Variants in DLGAP2 observed in about 807,000 individuals in gnomAD.
DLGAP2 encodes the protein disks large-associated protein 2.
DLGAP2 carries 26 observed loss-of-function variants against 100.3 expected under a neutral mutation model. The ratio of observed to expected loss-of-function variants is 0.26; its 90% confidence interval spans 0.19 to 0.36. The LOEUF (loss-of-function observed/expected upper bound fraction) is 0.36. Among genes scored for constraint, DLGAP2 ranks in the 10% least tolerant of loss-of-function variants. The probability of loss-of-function intolerance (pLI) is 1.00; values close to 1 mark genes in which losing one functional copy is unlikely to be tolerated. For missense variants in DLGAP2, 1,858 were observed against 1,453.2 expected, an observed-to-expected ratio of 1.28 and a Z score of -4.53; for synonymous variants, 886 against 630.1, an observed-to-expected ratio of 1.41 and a Z score of -6.08.
At chr8:1,433,898 C>T (rs1797536849) in intron 3 of DLGAP2, among the ~76,000 whole-genome samples, 1 of 152,120 alleles carries the variant, frequency 6.6e-6, no homozygotes, top group Non-Finnish European at 1.5e-5. Context: ...TGTCCATGGT[C>T]CCTGGGGTCC....
chr8:758,925 A>T (rs1029047329), intron 1 of DLGAP2, among the ~76,000 whole-genome samples: 1 of 150,810 alleles, frequency 6.6e-6, no homozygotes, highest in Non-Finnish European at 1.5e-5. Flanking sequence ...GAGAGTTCCT[A>T]TCTAACCACT....
intron 2 of DLGAP2, among the ~76,000 whole-genome samples, chr8:1,003,513 C>T (rs903127619): frequency 6.6e-6 from 1 of 152,346 alleles, no homozygotes; most frequent in African/African-American, 2.4e-5. Context: ...TTTTGGTTAT[C>T]TATTGCTGAA....
intron 2 of DLGAP2, among the ~76,000 whole-genome samples, chr8:1,193,494 G>A (rs1823668): frequency 0.28 from 42,440 of 152,070 alleles, 6,699 homozygotes; most frequent in African/African-American, 0.43. Context: ...TCTGGTTTCT[G>A]TCACTTAGCA....
At position 1,050,078 on chromosome 8, in the gene DLGAP2, AC is replaced by A. The variant is rs371157463; in HGVS notation, c.73+142113del. 2.8e-3 allele frequency among the ~76,000 whole-genome samples: 420 copies of A among 152,366 alleles called. 2 individuals are homozygous for A. The highest frequency in any genetic ancestry group is 9.6e-3 in the African/African-American group (399 of 41,590). ...CATGTACATACGTGTACACACATGC[AC>A]AGGCAGTCACACACATACATATGTG... On this transcript the variant is annotated intron_variant, in intron 2 of 14. Transcript: ENST00000637795.
intron 12 of DLGAP2, among the ~76,000 whole-genome samples, chr8:1,686,335 G>T (rs541711951): frequency 6.6e-6 from 1 of 152,220 alleles, no homozygotes. Context: ...AGTGAGATAA[G>T]CCAGGCACAG....
chr8:1,496,498 G>A (rs925604349), intron 3 of DLGAP2, among the ~76,000 whole-genome samples: 8 of 152,120 alleles, frequency 5.3e-5, no homozygotes, highest in African/African-American at 1.7e-4. Context: ...TTCTCAAGGC[G>A]CACTGCCCGA....
chr8:1,188,787 A>T (rs1797571435), intron 2 of DLGAP2, among the ~76,000 whole-genome samples: 1 of 152,188 alleles, frequency 6.6e-6, no homozygotes, highest in Non-Finnish European at 1.5e-5. Context: ...GCTGAACAAA[A>T]GCTTTGGGGT....
chr8:1,076,157 C>T (rs1803601577), intron 2 of DLGAP2, among the ~76,000 whole-genome samples: 1 of 152,210 alleles, frequency 6.6e-6, no homozygotes, highest in African/African-American at 2.4e-5. Flanking sequence ...CCAGGCAGCA[C>T]AAGCTTGCCT....
At chr8:1,422,498 T>C (rs528910035) in intron 3 of DLGAP2, among the ~76,000 whole-genome samples, 1 of 150,878 alleles carries the variant, frequency 6.6e-6, no homozygotes, top group African/African-American at 2.4e-5. Context: ...AGAGACTTAA[T>C]GTAAATCTGC....
chr8:1,295,310 C>A (rs1485381399), intron 3 of DLGAP2, among the ~76,000 whole-genome samples: 1 of 152,190 alleles, frequency 6.6e-6, no homozygotes, highest in Admixed American at 6.5e-5. Context: ...TTGAAGATGA[C>A]AGAGCCTTAA....
At chr8:1,139,782 C>G (rs978469230) in intron 2 of DLGAP2, among the ~76,000 whole-genome samples, 1 of 152,108 alleles carries the variant, frequency 6.6e-6, no homozygotes, top group Non-Finnish European at 1.5e-5. Flanking sequence ...TGGGGTCTGA[C>G]AGGTCCCAGG....
At chr8:821,357 G>C (rs1448934455) in intron 1 of DLGAP2, among the ~76,000 whole-genome samples, 1 of 152,172 alleles carries the variant, frequency 6.6e-6, no homozygotes, top group African/African-American at 2.4e-5. Flanking sequence ...AGCTCAGTGA[G>C]AAGAAAAGAC....
In DLGAP2 at chr8:1,093,716, C is replaced by A. The variant is rs543616893; in HGVS notation, c.74-165135C>A. On this transcript the variant is annotated intron_variant, in intron 2 of 14. Coordinates refer to ENST00000637795, the MANE Select transcript of DLGAP2 (RefSeq NM_001346810.2). ...ACAACTTCACACCAACAGCCAGAAA[C>A]ACCTTCACACTGACAGCCAGACAGG... Among the ~76,000 whole-genome samples the A allele has an allele frequency of 3.5e-4, 54 of 152,386 alleles. 1 individual carries two copies. Among genetic ancestry groups the A allele is most frequent in the African/African-American group, 1.3e-3 (52 of 41,600 alleles).
At chr8:1,495,256 G>T (rs1244999094) in intron 3 of DLGAP2, among the ~76,000 whole-genome samples, 1 of 151,582 alleles carries the variant, frequency 6.6e-6, no homozygotes, top group Non-Finnish European at 1.5e-5. Flanking sequence ...CAGGAGAAGC[G>T]ACACCAGACA....
rs561457749 is a variant in DLGAP2 at position 891,391 on chromosome 8, G to A, written c.19-16521G>A. ...GGCTGTGGAGAATGTGAGTGGTACA[G>A]CCCTGGTGAGGTGTACACATGGCAG... On this transcript the variant is annotated intron_variant, in intron 1 of 14. Coordinates refer to ENST00000637795, the MANE Select transcript of DLGAP2 (RefSeq NM_001346810.2). The A allele has an allele frequency of 4.6e-5, 7 of 152,594 alleles. No homozygotes were observed. The East Asian group carries it at 1.3e-3, about 29-fold the overall frequency. The allele number at this position is 152,594 out of a possible 1,614,324, so 9.5% of individuals were successfully genotyped here. A position where few individuals can be genotyped will look rare whatever the true frequency, so the allele number is the denominator to read the frequency against.
At chr8:1,454,282 C>T (rs1223932255) in intron 3 of DLGAP2, among the ~76,000 whole-genome samples, 1 of 152,174 alleles carries the variant, frequency 6.6e-6, no homozygotes, top group East Asian at 1.9e-4. Context: ...AGTTCCACTG[C>T]CAGCTTTCCC....
At chr8:1,121,524 C>T (rs1392794806) in intron 2 of DLGAP2, among the ~76,000 whole-genome samples, 1 of 151,894 alleles carries the variant, frequency 6.6e-6, no homozygotes, top group Non-Finnish European at 1.5e-5. Context: ...CCATTACCAC[C>T]TATCCTTGTT....
At chr8:1,230,962 C>T (rs754600811) in intron 2 of DLGAP2, among the ~76,000 whole-genome samples, 9 of 152,146 alleles carry the variant, frequency 5.9e-5, no homozygotes, top group Admixed American at 1.3e-4. Flanking sequence ...GGATTTATGA[C>T]TTAAGTCCTT....
chr8:1,244,718 G>A (rs578035252), intron 2 of DLGAP2, among the ~76,000 whole-genome samples: 1 of 152,292 alleles, frequency 6.6e-6, no homozygotes, highest in East Asian at 1.9e-4. Flanking sequence ...TTAAGCAGTG[G>A]TTTCTTAGAG....
Sources: allele counts gnomAD v4.1 joint callset (sites outside exome capture counted in the v4.1 genomes callset), GRCh38; gene constraint gnomAD v4.1.1; transcripts MANE v1.5; gene names NCBI Gene and HGNC (gene_info 2026-07-23, HGNC 2026-07-21).